Variants in TENM2 observed in about 807,000 individuals in gnomAD.
The protein encoded by TENM2 is teneurin transmembrane protein 2.
TENM2 carries 52 observed loss-of-function variants against 245.2 expected under a neutral mutation model. That is an observed-to-expected ratio of 0.21 (90% CI 0.17 to 0.27). The LOEUF is 0.27. Ranked by LOEUF, TENM2 falls within the 10% of genes least tolerant of loss-of-function variation. TENM2 has a pLI of 1.00. For missense variants in TENM2, 3,046 were observed against 3,666.8 expected (o/e 0.83, Z 4.37); for synonymous variants, 1,363 against 1,438.9 (o/e 0.95, Z 1.19).
chr5:167,407,419 G>C (rs1762694039), intron 2 of TENM2, among the ~76,000 whole-genome samples: 1 of 152,118 alleles, frequency 6.6e-6, no homozygotes, highest in South Asian at 2.1e-4. Flanking sequence ...GAATTTCCCA[G>C]ATCTTGTAAT....
At chr5:167,003,309 A>G in the TENM2 span, among the ~76,000 whole-genome samples, 1 of 152,186 alleles carries the variant, frequency 6.6e-6, no homozygotes, top group East Asian at 1.9e-4. Flanking sequence ...GATACCTATC[A>G]TCTCATTAAA....
chr5:167,624,098 T>A (rs58728571), intron 2 of TENM2, among the ~76,000 whole-genome samples: 2,611 of 152,234 alleles, frequency 0.017, 90 homozygotes, highest in East Asian at 0.11. Flanking sequence ...AATAAATCAT[T>A]CTACCAATAA....
At chr5:167,331,879 G>A (rs1330309334) in intron 1 of TENM2, among the ~76,000 whole-genome samples, 1 of 152,122 alleles carries the variant, frequency 6.6e-6, no homozygotes, top group African/African-American at 2.4e-5. Context: ...CTATCACAAT[G>A]TAAAATTGAG....
At chr5:167,939,764 T>C (rs1283510412) in intron 3 of TENM2, among the ~76,000 whole-genome samples, 3 of 152,200 alleles carry the variant, frequency 2.0e-5, no homozygotes, top group Non-Finnish European at 4.4e-5. Context: ...ATCATCCTCT[T>C]TCTGTGCCAC....
the TENM2 span, among the ~76,000 whole-genome samples, chr5:167,100,778 A>G: frequency 6.6e-6 from 1 of 152,170 alleles, no homozygotes; most frequent in East Asian, 1.9e-4. Context: ...ATCTGTTATA[A>G]GCAGCAATCC....
At chr5:167,002,603 C>T in the TENM2 span, among the ~76,000 whole-genome samples, 11 of 151,218 alleles carry the variant, frequency 7.3e-5, no homozygotes, top group African/African-American at 2.7e-4. Flanking sequence ...CCAAGAGTTC[C>T]AGACCAGCCT....
chr5:168,166,901 C>A (rs1337643093), intron 13 of TENM2, among the ~76,000 whole-genome samples: 1 of 152,104 alleles, frequency 6.6e-6, no homozygotes, highest in Admixed American at 6.6e-5. Flanking sequence ...TGCCTTCTCA[C>A]CCCCTTGGCT....
intron 13 of TENM2, among the ~76,000 whole-genome samples, chr5:168,178,731 C>T (rs1759577657): frequency 6.6e-6 from 1 of 152,190 alleles, no homozygotes; most frequent in African/African-American, 2.4e-5. Flanking sequence ...AGTCCTGTGA[C>T]ATTCAGAGGG....
intron 2 of TENM2, among the ~76,000 whole-genome samples, chr5:167,750,920 G>C (rs1197670749): frequency 6.6e-6 from 1 of 152,178 alleles, no homozygotes; most frequent in East Asian, 1.9e-4. Flanking sequence ...GGAAGGTCTT[G>C]AAGAAAATTT....
chr5:167,548,241 A>G lies in TENM2; in HGVS notation c.502+172768A>G, dbSNP rs558428583. On this transcript the variant is annotated intron_variant, in intron 2 of 28. Coordinates refer to ENST00000518659, the Ensembl canonical transcript of TENM2. ...GGATTAGAATTTCAGAGAGTGAGAA[A>G]GGACTCTTTTGTGTTGACAGACTTT... Among the ~76,000 whole-genome samples the G allele has an allele frequency of 1.1e-3, 169 of 152,302 alleles. 1 individual carries two copies. Among genetic ancestry groups the G allele is most frequent in the African/African-American group, 3.9e-3 (162 of 41,566 alleles).
intron 1 of TENM2, among the ~76,000 whole-genome samples, chr5:167,366,128 C>T (rs752115589): frequency 1.3e-5 from 2 of 150,984 alleles, no homozygotes; most frequent in Admixed American, 6.6e-5. Context: ...TTGGTGAAAC[C>T]AATTCAGTTA....
upstream of TENM2, among the ~76,000 whole-genome samples, chr5:167,281,223 T>A (rs1260939924): frequency 1.3e-5 from 2 of 151,504 alleles, no homozygotes; most frequent in Admixed American, 6.6e-5. Context: ...ATTCTCTTCC[T>A]CAGCATCTTG....
intron 2 of TENM2, among the ~76,000 whole-genome samples, chr5:167,804,511 T>C (rs1379211711): frequency 6.6e-6 from 1 of 152,148 alleles, no homozygotes; most frequent in African/African-American, 2.4e-5. Flanking sequence ...TAATCTCTGC[T>C]CTTTGTTGAC....
chr5:167,152,188 C>A, the TENM2 span, among the ~76,000 whole-genome samples: 1 of 152,212 alleles, frequency 6.6e-6, no homozygotes, highest in Non-Finnish European at 1.5e-5. Flanking sequence ...TTTTCTTTTT[C>A]TTCACAAGGA....
chr5:167,086,126 G>A, the TENM2 span, among the ~76,000 whole-genome samples: 4 of 152,154 alleles, frequency 2.6e-5, no homozygotes, highest in Non-Finnish European at 2.9e-5. Context: ...CCTGGCTGCT[G>A]TTACAGTGAC....
chr5:168,014,312 A>G (rs1372822838), intron 5 of TENM2, among the ~76,000 whole-genome samples: 1 of 152,146 alleles, frequency 6.6e-6, no homozygotes, highest in Non-Finnish European at 1.5e-5. Context: ...TATCTTTTCT[A>G]TCTTACAGAA....
chr5:168,137,899 G>A (rs1755197191), intron 12 of TENM2, among the ~76,000 whole-genome samples: 1 of 152,150 alleles, frequency 6.6e-6, no homozygotes, highest in Non-Finnish European at 1.5e-5. Context: ...CTCCCTGGAG[G>A]TCTGATACAG....
At chr5:167,868,941 T>G (rs1208613572) in intron 2 of TENM2, among the ~76,000 whole-genome samples, 1 of 152,116 alleles carries the variant, frequency 6.6e-6, no homozygotes, top group East Asian at 1.9e-4. Context: ...TCAAACACTG[T>G]TCTATGGGCT....
chr5:167,829,997 G>C (rs909849132), intron 2 of TENM2, among the ~76,000 whole-genome samples: 2 of 152,224 alleles, frequency 1.3e-5, no homozygotes, highest in Non-Finnish European at 2.9e-5. Flanking sequence ...CTCTTGCCAA[G>C]AATTGCCTTC....
Sources: gnomAD v4.1 joint callset for allele counts (sites outside exome capture counted in the v4.1 genomes callset) on GRCh38, gnomAD v4.1.1 for gene constraint, MANE v1.5 for transcripts, NCBI Gene and HGNC (gene_info 2026-07-23, HGNC 2026-07-21) for gene names.